The following MTFMT variants were observed in gnomAD, a reference collection of about 807,000 sequenced individuals.
MTFMT encodes methionyl-tRNA formyltransferase, mitochondrial.
Under a neutral mutation model 51.8 loss-of-function variants are expected in MTFMT, and 47 were observed. That is an observed-to-expected ratio of 0.91 (90% CI 0.72 to 1.16). The LOEUF (loss-of-function observed/expected upper bound fraction) is 1.16, where lower values mean the gene tolerates loss of function less well. Ranked by LOEUF, MTFMT falls within the 50% of genes most tolerant of loss-of-function variation. MTFMT has a pLI of 0.00. For synonymous variants in MTFMT, 196 were observed against 176.7 expected, an observed-to-expected ratio of 1.11 and a Z score of -0.87; for missense variants, 512 against 482.3, an observed-to-expected ratio of 1.06 and a Z score of -0.58.
At chr15:65,021,759 T>A in intron 3 of MTFMT, 143 bp from the exon 4 acceptor site, 1 of 530,918 alleles carries the variant, frequency 1.9e-6, no homozygotes, top group Non-Finnish European at 3.2e-6. Context: ...GCAGCAGGAT[T>A]GCTTGATCCC....
At chr15:65,027,807 G>A (rs2086439226) in intron 1 of MTFMT, among the ~76,000 whole-genome samples, 1 of 152,212 alleles carries the variant, frequency 6.6e-6, no homozygotes, top group Admixed American at 6.5e-5. Flanking sequence ...ACTGGGAACT[G>A]CTAAACAGAG....
intron 2 of MTFMT, among the ~76,000 whole-genome samples, chr15:65,025,012 A>G (rs147444298): frequency 1.0e-5 from 1 of 100,478 alleles, no homozygotes; most frequent in East Asian, 3.2e-4. Flanking sequence ...CACAGCTGGG[A>G]GGCCAGTTAG....
intron 1 of MTFMT, among the ~76,000 whole-genome samples, chr15:65,027,300 C>A (rs1004337591): frequency 6.6e-6 from 1 of 151,394 alleles, no homozygotes; most frequent in Non-Finnish European, 1.5e-5. Flanking sequence ...TAGGTTCAAG[C>A]GATTATCCTG....
At chr15:65,020,091 C>CA in intron 5 of MTFMT, 106 bp downstream of exon 5, 1 of 1,031,884 alleles carries the variant, frequency 9.7e-7, no homozygotes, top group Non-Finnish European at 1.4e-6. Flanking sequence ...AGTGGGCACT[C>CA]AATCAAAATT....
At chr15:65,026,052 C>CACCA (rs1201329489) in intron 2 of MTFMT, 1 of 152,194 alleles carries the variant, frequency 6.6e-6, no homozygotes, top group African/African-American at 2.4e-5. Context: ...CCTGGGGAGG[C>CACCA]ACCAACCAGC....
intron 5 of MTFMT, among the ~76,000 whole-genome samples, chr15:65,019,439 C>A (rs1422284265): frequency 6.6e-6 from 1 of 151,814 alleles, no homozygotes; most frequent in Non-Finnish European, 1.5e-5. Context: ...CCTAACTCTA[C>A]TAAAAAAAAC....
chr15:65,004,664 G>A (rs965531796), intron 8 of MTFMT, among the ~76,000 whole-genome samples, 190 bp downstream of exon 8: 2 of 152,172 alleles, frequency 1.3e-5, no homozygotes, highest in African/African-American at 2.4e-5. Context: ...TAATAATAAT[G>A]CCTTGGCAAA....
Position 65,026,864 on chromosome 15 carries a change from A to T in MTFMT, c.386T>A (p.Leu129His). Reference sequence around the variant, plus strand: ...TTTAAGAATAAGAGCCTCATTCAAAAGTCGGCCAAACGAAGCCACTACTCC... The same window carrying T: ...TTTAAGAATAAGAGCCTCATTCAAATGTCGGCCAAACGAAGCCACTACTCC... ...DVGVVASFGR[L>H]LNEALILKFP... is the part of the protein sequence containing the mutation. The change falls in exon 2 of 9, where the codon CTT becomes CAT. Residue 129 changes from leucine to histidine, a missense_variant. Physicochemically the swap from Leu to His is moderately conservative, Grantham distance 99. Coordinates refer to ENST00000220058, the MANE Select transcript of MTFMT (RefSeq NM_139242.4). The T allele has an allele frequency of 6.2e-7, 1 of 1,613,996 alleles. No homozygotes were observed. Among genetic ancestry groups the T allele is most frequent in the Non-Finnish European group, 8.5e-7 (1 of 1,179,892 alleles).
intron 1 of MTFMT, among the ~76,000 whole-genome samples, chr15:65,027,682 G>T (rs1405728974): frequency 1.3e-5 from 2 of 151,946 alleles, no homozygotes; most frequent in Non-Finnish European, 2.9e-5. Flanking sequence ...TTTTAACAAT[G>T]CTATATATGC....
Position 65,020,217 on chromosome 15 carries a change from GGCT to G in MTFMT, c.698_700del (p.Gln233del). On this transcript the variant is annotated inframe_deletion, in exon 5 of 9. Transcript: ENST00000220058. The stretch of plus-strand genomic sequence containing the variant: ...CTCACCGTAAGTCGCCCCCTCCATT[GGCT>G]GCTGCCTTCCATTGCTCAGACTTTC... The G allele has an allele frequency of 6.2e-7, 1 of 1,612,660 alleles. No individual in the cohort carries two copies. Among genetic ancestry groups the G allele is most frequent in the Admixed American group, 1.7e-5 (1 of 59,884 alleles).
In MTFMT at chr15:65,006,183, C is replaced by A; in HGVS notation, c.822G>T (p.Leu274Phe). Residue 274 changes from leucine to phenylalanine, a missense_variant, in exon 7 of 9, where the codon TTG (leucine) becomes TTT (phenylalanine). Physicochemically the swap from Leu to Phe is conservative, Grantham distance 22. Transcript: ENST00000220058. ...LYRAIGNIIP[L>F]QTLWMANTIK... ...TGGTATTCGCCATCCAGAGCGTCTG[C>A]AACGGAATCTGCAAGTAAAATTAAA... The A allele has an allele frequency of 3.1e-6, 5 of 1,611,642 alleles. No homozygotes were observed. Among genetic ancestry groups the A allele is most frequent in the Non-Finnish European group, 4.2e-6 (5 of 1,178,588 alleles).
intron 2 of MTFMT, among the ~76,000 whole-genome samples, chr15:65,025,542 A>G (rs1239377894): frequency 6.6e-6 from 1 of 152,192 alleles, no homozygotes; most frequent in Non-Finnish European, 1.5e-5. Context: ...CAGCAGCGGA[A>G]GTGATGAGAT....
Position 65,023,734 on chromosome 15 carries a change from G to C in MTFMT, c.480C>G (p.Ile160Met). 6.2e-7 allele frequency: 1 copy of C among 1,613,372 alleles called. No individual in the cohort carries two copies. Among genetic ancestry groups the C allele is most frequent in the Non-Finnish European group, 8.5e-7 (1 of 1,179,452 alleles). ...LPRWRGPAPV[I>M]HTVLHGDTVT... ...CTGTGTCTCCGTGAAGCACTGTATG[G>C]ATTACAGGGGCTGGGCCACGCCATC... Residue 160 changes from isoleucine to methionine, a missense_variant, in exon 3 of 9, where the codon ATC becomes ATG. By Grantham distance (10) the Ile-to-Met change is conservative (BLOSUM62 1). Transcript: ENST00000220058.
chr15:65,002,761 G>A lies in MTFMT; in HGVS notation c.*301C>T, dbSNP rs771948745. The A allele has an allele frequency of 1.2e-4, 20 of 165,000 alleles. No individual in the cohort carries two copies. Among genetic ancestry groups the A allele is most frequent in the Non-Finnish European group, 2.1e-4 (16 of 76,660 alleles). The allele number at this position is 165,000 out of a possible 1,614,324, so 10.2% of individuals were successfully genotyped here. A position where few individuals can be genotyped will look rare whatever the true frequency, so the allele number is the denominator to read the frequency against. The stretch of plus-strand genomic sequence containing the variant: ...GGGCAGATCACAAGGTCAGGAGTTC[G>A]AGACCAGCCTGACCAACATGGTGAA... On this transcript the variant is annotated 3_prime_UTR_variant, in exon 9 of 9. Coordinates refer to ENST00000220058, the MANE Select transcript of MTFMT (RefSeq NM_139242.4).
intron 6 of MTFMT, among the ~76,000 whole-genome samples, chr15:65,009,520 T>C (rs1044194709): frequency 1.3e-5 from 2 of 152,216 alleles, no homozygotes; most frequent in Non-Finnish European, 2.9e-5. Flanking sequence ...TTTCCCAGAT[T>C]CCATCAGCAA....
chr15:65,006,322 A>T, intron 6 of MTFMT, 131 bp from the exon 7 acceptor site: 3 of 614,152 alleles, frequency 4.9e-6, no homozygotes, highest in East Asian at 6.6e-5. Flanking sequence ...ACTAAGTTTG[A>T]TGGAACAGAC....
At chr15:65,017,474 T>A (rs1183506806) in intron 5 of MTFMT, among the ~76,000 whole-genome samples, 1 of 152,148 alleles carries the variant, frequency 6.6e-6, no homozygotes, top group Non-Finnish European at 1.5e-5. Context: ...CAATAAGACA[T>A]CTGTTGGGTT....
At chr15:65,006,594 T>C (rs889653380) in intron 6 of MTFMT, among the ~76,000 whole-genome samples, 1 of 152,066 alleles carries the variant, frequency 6.6e-6, no homozygotes, top group Non-Finnish European at 1.5e-5. Context: ...GCCACGATGG[T>C]CTCTATCTCC....
intron 2 of MTFMT, chr15:65,026,508 G>GA (rs1161903180): frequency 3.4e-6 from 1 of 291,404 alleles, no homozygotes; most frequent in Admixed American, 4.1e-5. Context: ...TGTTACCAGA[G>GA]AAAGGGAACA....
Sources: allele counts gnomAD v4.1 joint callset (sites outside exome capture counted in the v4.1 genomes callset), GRCh38; gene constraint gnomAD v4.1.1; transcripts MANE v1.5; gene names NCBI Gene and HGNC (gene_info 2026-07-23, HGNC 2026-07-21).